The following PDE4B variants were observed in gnomAD, a reference collection of about 807,000 sequenced individuals.
The protein encoded by PDE4B is 3',5'-cyclic-AMP phosphodiesterase 4B.
In PDE4B, 20 loss-of-function variants were observed where a neutral mutation model predicts 82.2. That is an observed-to-expected ratio of 0.24 (90% CI 0.17 to 0.35). PDE4B has a LOEUF of 0.35. Among genes scored for constraint, PDE4B ranks in the 10% least tolerant of loss-of-function variants. The probability of loss-of-function intolerance (pLI) is 1.00; values close to 1 mark genes in which losing one functional copy is unlikely to be tolerated. For synonymous variants in PDE4B, 320 were observed against 318.9 expected (o/e 1.00, Z -0.04); for missense variants, 655 against 907.2 (o/e 0.72, Z 3.57).
chr1:66,217,419 CA>C (rs1457506955), intron 3 of PDE4B, among the ~76,000 whole-genome samples: 1 of 152,082 alleles, frequency 6.6e-6, no homozygotes, highest in Non-Finnish European at 1.5e-5. Context: ...TAAAATGCAG[CA>C]GCCACAAGAG....
At chr1:66,133,378 T>C (rs1645992191) in intron 3 of PDE4B, among the ~76,000 whole-genome samples, 1 of 152,216 alleles carries the variant, frequency 6.6e-6, no homozygotes, top group South Asian at 2.1e-4. Context: ...TGAATCTCAT[T>C]TCACAAACTT....
chr1:65,832,017 A>G (rs1421133783), intron 1 of PDE4B, among the ~76,000 whole-genome samples: 1 of 152,218 alleles, frequency 6.6e-6, no homozygotes, highest in Non-Finnish European at 1.5e-5. Flanking sequence ...ACCATTGGTG[A>G]ATTCCTTTTA....
chr1:65,990,839 G>A (rs76654461), intron 3 of PDE4B, among the ~76,000 whole-genome samples: 3 of 152,102 alleles, frequency 2.0e-5, no homozygotes, highest in African/African-American at 2.4e-5. Flanking sequence ...AGGATTCAGT[G>A]CAAATCTAAA....
intron 3 of PDE4B, among the ~76,000 whole-genome samples, chr1:66,014,717 T>C (rs942137387): frequency 6.6e-6 from 1 of 152,168 alleles, no homozygotes; most frequent in Non-Finnish European, 1.5e-5. Context: ...GCGAGAACAT[T>C]TAGCAGTAGG....
At chr1:66,353,377 C>A (rs1051767387) in intron 8 of PDE4B, among the ~76,000 whole-genome samples, 1 of 152,164 alleles carries the variant, frequency 6.6e-6, no homozygotes, top group African/African-American at 2.4e-5. Flanking sequence ...TTGGCTTCAC[C>A]TCCAAAAGCC....
rs138875972 is a variant in PDE4B, at chr1:66,040,836, C to A, written c.281+122001C>A. ...TATAGAGGCCATTTGGAAAGTCAAC[C>A]CTTAGCCTAAAGTATGGAGAAAGGG... is the stretch of plus-strand genomic sequence containing the variant. On this transcript the variant is annotated intron_variant, in intron 3 of 16. Coordinates refer to ENST00000341517, the MANE Select transcript of PDE4B (RefSeq NM_002600.4). 6.9e-3 allele frequency among the ~76,000 whole-genome samples: 1,050 copies of A among 151,846 alleles called. 17 individuals carry two copies. Among genetic ancestry groups the A allele is most frequent in the African/African-American group, 0.024 (977 of 41,460 alleles).
At chr1:66,127,720 A>G (rs1482868156) in intron 3 of PDE4B, among the ~76,000 whole-genome samples, 3 of 152,182 alleles carry the variant, frequency 2.0e-5, no homozygotes, top group Non-Finnish European at 4.4e-5. Context: ...GCCCGTCATT[A>G]GCAAAGAAAA....
intron 3 of PDE4B, among the ~76,000 whole-genome samples, chr1:66,151,189 G>A (rs1027172194): frequency 4.6e-5 from 7 of 152,240 alleles, no homozygotes; most frequent in East Asian, 3.9e-4. Context: ...TGGGTGTTTC[G>A]TGGAACAAAG....
At chr1:66,234,575 C>T (rs1432187978) in intron 3 of PDE4B, among the ~76,000 whole-genome samples, 1 of 152,208 alleles carries the variant, frequency 6.6e-6, no homozygotes, top group African/African-American at 2.4e-5. Flanking sequence ...AGGCATGAGC[C>T]ACCGTGCCCA....
intron 8 of PDE4B, among the ~76,000 whole-genome samples, chr1:66,353,668 C>G (rs1239677190): frequency 6.6e-6 from 1 of 152,066 alleles, no homozygotes; most frequent in Non-Finnish European, 1.5e-5. Context: ...CTAGTGTTTC[C>G]CCTTGCCTGT....
chr1:66,048,988 A>G (rs998689969), intron 3 of PDE4B: 1 of 152,010 alleles, frequency 6.6e-6, no homozygotes, highest in Non-Finnish European at 1.5e-5. Flanking sequence ...TCTATCTACT[A>G]TGATTTATCC....
chr1:66,033,331 A>C (rs1399307714), intron 3 of PDE4B, among the ~76,000 whole-genome samples: 1 of 152,066 alleles, frequency 6.6e-6, no homozygotes, highest in East Asian at 1.9e-4. Context: ...CAGTGAACAC[A>C]ATGCTCCCAT....
At chr1:65,795,764 T>C (rs776486095) in intron 1 of PDE4B, among the ~76,000 whole-genome samples, 2 of 152,228 alleles carry the variant, frequency 1.3e-5, no homozygotes, top group Non-Finnish European at 2.9e-5. Flanking sequence ...ACTTCTCTCT[T>C]TGGTCCTTTC....
chr1:65,909,264 T>C (rs1647061325), intron 1 of PDE4B, among the ~76,000 whole-genome samples: 1 of 152,190 alleles, frequency 6.6e-6, no homozygotes. Context: ...GGAAAAAAAG[T>C]AGTATTTTTA....
intron 3 of PDE4B, among the ~76,000 whole-genome samples, chr1:66,119,386 T>C (rs889847774): frequency 6.6e-6 from 1 of 152,212 alleles, no homozygotes; most frequent in Non-Finnish European, 1.5e-5. Context: ...ACCATTATTA[T>C]GGAGTAGAAC....
At chr1:66,061,811 A>C (rs915698204) in intron 3 of PDE4B, among the ~76,000 whole-genome samples, 4 of 152,124 alleles carry the variant, frequency 2.6e-5, no homozygotes, top group Non-Finnish European at 4.4e-5. Flanking sequence ...ATGCATGAGG[A>C]GGTTAAAACC....
intron 7 of PDE4B, among the ~76,000 whole-genome samples, chr1:66,297,923 A>G (rs1657624385): frequency 6.6e-6 from 1 of 152,174 alleles, no homozygotes; most frequent in Admixed American, 6.6e-5. Flanking sequence ...TGCTTACCTT[A>G]CATATGACTA....
chr1:66,231,651 C>T (rs540771105), intron 3 of PDE4B, among the ~76,000 whole-genome samples: 33 of 152,192 alleles, frequency 2.2e-4, no homozygotes, highest in Non-Finnish European at 4.4e-4. Flanking sequence ...AATTTGAAGG[C>T]AGTAACTATT....
In PDE4B at chr1:66,373,558, C is replaced by T. The variant is rs997757285; in HGVS notation, c.*880C>T. Reference sequence around the variant, plus strand: ...CCTGTTCCCTACCTCCTCTCTTCACCCCGTTAGGCTGTTTTCAATGTAATG... The same window carrying T: ...CCTGTTCCCTACCTCCTCTCTTCACTCCGTTAGGCTGTTTTCAATGTAATG... On this transcript the variant is annotated 3_prime_UTR_variant, in exon 17 of 17. Coordinates refer to ENST00000341517, the MANE Select transcript of PDE4B (RefSeq NM_002600.4). 6 of 152,700 alleles carry T rather than the reference C, an allele frequency of 3.9e-5. No individual in the cohort carries two copies. The allele number at this position is 152,700 out of a possible 1,614,324, so 9.5% of individuals were successfully genotyped here. A position where few individuals can be genotyped will look rare whatever the true frequency, so the allele number is the denominator to read the frequency against.
Sources: allele counts gnomAD v4.1 joint callset (sites outside exome capture counted in the v4.1 genomes callset), GRCh38; gene constraint gnomAD v4.1.1; transcripts MANE v1.5; gene names NCBI Gene and HGNC (gene_info 2026-07-23, HGNC 2026-07-21).